PARD3B: variants seen among roughly 807,000 people sequenced by gnomAD.
The protein encoded by PARD3B is partitioning defective 3 homolog B.
Under a neutral mutation model 130.2 loss-of-function variants are expected in PARD3B, and 103 were observed. The ratio of observed to expected loss-of-function variants is 0.79; its 90% CI spans 0.67 to 0.93. The LOEUF is 0.93. PARD3B is among the 40% of genes least tolerant of loss of function. The probability of loss-of-function intolerance (pLI) is 0.00; values close to 1 mark genes in which losing one functional copy is unlikely to be tolerated. For missense variants in PARD3B, 1,609 were observed against 1,499.2 expected, an observed-to-expected ratio of 1.07 and a Z score of -1.21; for synonymous variants, 583 against 553.2, an observed-to-expected ratio of 1.05 and a Z score of -0.76.
At chr2:205,053,616 G>C (rs1193736641) in intron 4 of PARD3B, among the ~76,000 whole-genome samples, 1 of 151,388 alleles carries the variant, frequency 6.6e-6, no homozygotes, top group Non-Finnish European at 1.5e-5. Context: ...CTCCAGCCTG[G>C]GCAGCAACAG....
chr2:204,927,846 A>AGGTG (rs71032420), intron 2 of PARD3B, among the ~76,000 whole-genome samples: 31,728 of 151,812 alleles, frequency 0.21, 4,041 homozygotes, highest in Non-Finnish European at 0.29. Context: ...GTACGTAGGT[A>AGGTG]GGTAGGTAGG....
intron 16 of PARD3B, among the ~76,000 whole-genome samples, chr2:205,257,648 A>G (rs1453040867): frequency 1.3e-5 from 2 of 152,200 alleles, no homozygotes; most frequent in Non-Finnish European, 2.9e-5. Context: ...TTTCACTTAC[A>G]GCGCTGCTAC....
intron 15 of PARD3B, among the ~76,000 whole-genome samples, chr2:205,239,376 A>G (rs1014937932): frequency 6.6e-6 from 1 of 152,190 alleles, no homozygotes; most frequent in Non-Finnish European, 1.5e-5. Context: ...TTCCTGAAGC[A>G]TATCTTTTTC....
intron 19 of PARD3B, among the ~76,000 whole-genome samples, chr2:205,437,816 G>T (rs1489045026): frequency 6.6e-6 from 1 of 152,134 alleles, no homozygotes; most frequent in African/African-American, 2.4e-5. Context: ...GGGGAAACTG[G>T]TAGTACCGTC....
intron 16 of PARD3B, among the ~76,000 whole-genome samples, chr2:205,246,419 T>A (rs993994296): frequency 2.0e-5 from 3 of 152,166 alleles, no homozygotes; most frequent in African/African-American, 7.2e-5. Flanking sequence ...AAGCTGTTTT[T>A]TCATTGCCAA....
intron 1 of PARD3B, among the ~76,000 whole-genome samples, chr2:204,638,528 A>T (rs1288429519): frequency 2.6e-5 from 4 of 152,212 alleles, no homozygotes; most frequent in Non-Finnish European, 5.9e-5. Flanking sequence ...TGTTATTTAG[A>T]GTAAACTGGA....
intron 1 of PARD3B, among the ~76,000 whole-genome samples, chr2:204,586,809 T>C (rs1468303852): frequency 6.6e-6 from 1 of 152,232 alleles, no homozygotes; most frequent in African/African-American, 2.4e-5. Context: ...ATATTAATAG[T>C]AAATATGAAA....
chr2:205,053,011 CT>C (rs1268631266), intron 4 of PARD3B, among the ~76,000 whole-genome samples: 3 of 151,994 alleles, frequency 2.0e-5, no homozygotes, highest in African/African-American at 4.8e-5. Flanking sequence ...TTCTTTGGGG[CT>C]TTTGGTATGT....
chr2:205,211,919 G>A (rs1419132251), intron 15 of PARD3B, among the ~76,000 whole-genome samples: 1 of 152,062 alleles, frequency 6.6e-6, no homozygotes, highest in African/African-American at 2.4e-5. Flanking sequence ...AAACAAGGGG[G>A]TACCAATGAA....
intron 21 of PARD3B, among the ~76,000 whole-genome samples, chr2:205,538,767 T>G (rs1240476773): frequency 6.6e-6 from 1 of 152,200 alleles, no homozygotes; most frequent in Non-Finnish European, 1.5e-5. Flanking sequence ...GAAGAAATCC[T>G]CTCCAAGTGT....
intron 20 of PARD3B, among the ~76,000 whole-genome samples, chr2:205,451,403 CAA>C (rs2048099652): frequency 6.6e-6 from 1 of 152,148 alleles, no homozygotes; most frequent in Non-Finnish European, 1.5e-5. Context: ...TAAACAAAGT[CAA>C]GAGAGAAGTG....
intron 1 of PARD3B, among the ~76,000 whole-genome samples, chr2:204,577,701 AGCT>A (rs2032339445): frequency 6.6e-6 from 1 of 152,100 alleles, no homozygotes; most frequent in Non-Finnish European, 1.5e-5. Flanking sequence ...CCTCCTAAGG[AGCT>A]GGGACTACAG....
At chr2:204,788,083 G>T (rs1412896053) in intron 2 of PARD3B, among the ~76,000 whole-genome samples, 1 of 152,160 alleles carries the variant, frequency 6.6e-6, no homozygotes, top group Non-Finnish European at 1.5e-5. Context: ...ATTATGTTTT[G>T]TAATGGTTAT....
intron 1 of PARD3B, among the ~76,000 whole-genome samples, chr2:204,562,242 A>G (rs1161616294): frequency 1.3e-5 from 2 of 152,178 alleles, no homozygotes; most frequent in Non-Finnish European, 2.9e-5. Context: ...TAAAAAAACC[A>G]CTGGAGCTTC....
In PARD3B at chr2:204,610,703, G is replaced by T. The variant is rs748389693; in HGVS notation, c.120+64584G>T. 2.0e-5 allele frequency among the ~76,000 whole-genome samples: 3 copies of T among 152,042 alleles called. No homozygotes were observed. The highest frequency in any genetic ancestry group is 1.3e-4 in the Admixed American group (2 of 15,254). On this transcript the variant is annotated intron_variant, in intron 1 of 22. Coordinates refer to ENST00000406610, the MANE Select transcript of PARD3B (RefSeq NM_001302769.2). The surrounding 1 kb of genome is among the most constrained non-coding windows in gnomAD (Gnocchi z 4.1). ...ACTTTGATATGTTAGTCTACTTCAG[G>T]ACAGGTGCCTCTTCTCTCTCTAGAT...
intron 1 of PARD3B, among the ~76,000 whole-genome samples, chr2:204,577,343 TATTATC>T (rs1315022094): frequency 6.6e-6 from 1 of 152,214 alleles, no homozygotes; most frequent in Non-Finnish European, 1.5e-5. Flanking sequence ...AAACATTTAC[TATTATC>T]ATTATTATTT....
intron 1 of PARD3B, among the ~76,000 whole-genome samples, chr2:204,583,575 T>C (rs1244542017): frequency 1.6e-5 from 2 of 125,466 alleles, no homozygotes; most frequent in African/African-American, 6.2e-5. Context: ...TGTATACATA[T>C]GTAACTAACC....
chr2:205,038,373 A>G (rs1698159864), intron 3 of PARD3B, among the ~76,000 whole-genome samples: 3 of 152,242 alleles, frequency 2.0e-5, no homozygotes, highest in East Asian at 3.9e-4. Flanking sequence ...CTTTGCTTGC[A>G]CCAAACCTCC....
intron 2 of PARD3B, among the ~76,000 whole-genome samples, chr2:204,897,555 T>C (rs2046686572): frequency 6.6e-6 from 1 of 152,114 alleles, no homozygotes; most frequent in African/African-American, 2.4e-5. Flanking sequence ...AGGAAGATCC[T>C]GTGTACTCTT....
Sources: allele counts gnomAD v4.1 joint callset (sites outside exome capture counted in the v4.1 genomes callset), GRCh38; gene constraint gnomAD v4.1.1; non-coding constraint Gnocchi (gnomAD v3.1); transcripts MANE v1.5; gene names NCBI Gene and HGNC (gene_info 2026-07-23, HGNC 2026-07-21).